Variants in CDC123 observed in about 807,000 individuals in gnomAD.
CDC123 encodes the protein cell division cycle 123.
In CDC123, 37 loss-of-function variants were observed where a neutral mutation model predicts 54.4. The observed-to-expected ratio is 0.68, with a 90% CI of 0.52 to 0.89. The LOEUF is 0.89. Ranked by LOEUF, CDC123 falls within the 40% of genes least tolerant of loss-of-function variation. The pLI, the probability that CDC123 is intolerant of heterozygous loss-of-function variation, is 0.00. For synonymous variants in CDC123, 144 were observed against 136.8 expected (o/e 1.05, Z -0.37); for missense variants, 361 against 412.1 (o/e 0.88, Z 1.07).
intron 10 of CDC123, among the ~76,000 whole-genome samples, chr10:12,240,273 G>A (rs755502725): frequency 2.0e-5 from 3 of 152,120 alleles, no homozygotes; most frequent in Non-Finnish European, 4.4e-5. Context: ...AATGCTGTTT[G>A]GTGCTGAGTG....
chr10:12,238,323 G>C, intron 9 of CDC123, 134 bp from the exon 10 acceptor site: 1 of 930,750 alleles, frequency 1.1e-6, no homozygotes, highest in Non-Finnish European at 1.5e-6. Flanking sequence ...GAAGTTTTGA[G>C]GTTTAGAAGC....
intron 8 of CDC123, among the ~76,000 whole-genome samples, chr10:12,236,216 G>A (rs141689593): frequency 2.6e-5 from 4 of 152,344 alleles, no homozygotes; most frequent in African/African-American, 9.6e-5. Context: ...AGTTGATTAT[G>A]TGTGCAGGTT....
At chr10:12,212,064 G>A (rs1329902478) in intron 4 of CDC123, among the ~76,000 whole-genome samples, 7 of 151,964 alleles carry the variant, frequency 4.6e-5, no homozygotes, top group African/African-American at 1.7e-4. Context: ...CTCCAGCCTG[G>A]GTGACAGAGA....
intron 7 of CDC123, among the ~76,000 whole-genome samples, chr10:12,234,261 A>AT (rs937163588): frequency 6.6e-6 from 1 of 151,994 alleles, no homozygotes; most frequent in African/African-American, 2.4e-5. Context: ...CACCTGGCTA[A>AT]TTTTTTGTGT....
chr10:12,210,032 C>T lies in CDC123; in HGVS notation c.204+8C>T. The T allele has an allele frequency of 6.2e-7, 1 of 1,613,340 alleles. No homozygotes were observed. Among genetic ancestry groups the T allele is most frequent in the Non-Finnish European group, 8.5e-7 (1 of 1,179,360 alleles). On this transcript the variant is annotated splice_region_variant and intron_variant, in intron 3 of 12. Transcript: ENST00000281141. ...GAAGCAGAAGAAATACAGGTTGGTA[C>T]CAAATAAAATAATCTGTTCTGTAGA...
chr10:12,250,418 C>G lies in CDC123; in HGVS notation c.*81C>G. 9.3e-7 allele frequency: 1 copy of G among 1,079,554 alleles called. No individual in the cohort carries two copies. The highest frequency in any genetic ancestry group is 1.4e-6 in the Non-Finnish European group (1 of 692,870). 66.9% of individuals were successfully genotyped at this position (1,079,554 alleles called of 1,614,324 possible). On this transcript the variant is annotated 3_prime_UTR_variant, in exon 13 of 13. Coordinates refer to ENST00000281141, the MANE Select transcript of CDC123 (RefSeq NM_006023.3). ...TCATCAGCCGCAACTTCCTGCCGACCCTGATGCGGGTGGGCCGAGCAGTGT... is the reference window on the plus strand; with the variant it reads ...TCATCAGCCGCAACTTCCTGCCGACGCTGATGCGGGTGGGCCGAGCAGTGT...
intron 6 of CDC123, among the ~76,000 whole-genome samples, chr10:12,218,116 A>G (rs1239768034): frequency 6.6e-6 from 1 of 152,152 alleles, no homozygotes; most frequent in Non-Finnish European, 1.5e-5. Flanking sequence ...AAAAGCACTC[A>G]TGATCTTGCC....
At chr10:12,237,301 T>C (rs746905611) in intron 9 of CDC123, 35 bp downstream of exon 9, 8 of 1,497,472 alleles carry the variant, frequency 5.3e-6, no homozygotes, top group African/African-American at 1.4e-5. Flanking sequence ...TAAAATGAAA[T>C]GAAATATACA....
intron 8 of CDC123, 80 bp downstream of exon 8, chr10:12,235,203 C>T (rs2131758751): frequency 8.2e-7 from 1 of 1,214,940 alleles, no homozygotes; most frequent in Non-Finnish European, 1.2e-6. Flanking sequence ...AAGTAAATTT[C>T]CAGTAATTAG....
intron 2 of CDC123, among the ~76,000 whole-genome samples, chr10:12,206,611 A>C (rs980164852): frequency 6.6e-6 from 1 of 152,234 alleles, no homozygotes; most frequent in African/African-American, 2.4e-5. Flanking sequence ...CAGCAGTTTG[A>C]GACCAGACTG....
intron 6 of CDC123, among the ~76,000 whole-genome samples, chr10:12,218,052 C>T (rs1835685057): frequency 6.6e-6 from 1 of 152,220 alleles, no homozygotes; most frequent in African/African-American, 2.4e-5. Context: ...TTGCGTGCCA[C>T]TGCACTGTAG....
Position 12,246,134 on chromosome 10 carries a change from C to T in CDC123, c.718-15C>T, listed in dbSNP as rs1290181111. 4 of 1,604,002 alleles carry T rather than the reference C, an allele frequency of 2.5e-6. No homozygotes were observed. Among genetic ancestry groups the T allele is most frequent in the South Asian group, 2.2e-5 (2 of 89,658 alleles). Reference sequence around the variant, plus strand: ...GAAGATGTTTGTTTTTGTTTTTTCTCTCTCTGTGCTACAGGGGAAGGTGTG... The same window carrying T: ...GAAGATGTTTGTTTTTGTTTTTTCTTTCTCTGTGCTACAGGGGAAGGTGTG... On this transcript the variant is annotated splice_polypyrimidine_tract_variant and intron_variant, in intron 10 of 12. Transcript: ENST00000281141.
chr10:12,234,465 C>T (rs1486317695), intron 7 of CDC123, among the ~76,000 whole-genome samples: 2 of 152,178 alleles, frequency 1.3e-5, no homozygotes, highest in Non-Finnish European at 1.5e-5. Context: ...GGTGATCGCC[C>T]GCCTCAGTCT....
At chr10:12,224,506 C>T (rs902579699) in intron 6 of CDC123, among the ~76,000 whole-genome samples, 5 of 152,094 alleles carry the variant, frequency 3.3e-5, no homozygotes, top group Non-Finnish European at 4.4e-5. Context: ...TTGCCACTTA[C>T]ATTGTAAATA....
Position 12,196,273 on chromosome 10 carries a change from C to T in CDC123, c.28C>T (p.Gln10Ter). The change falls in exon 1 of 13, where the codon CAG becomes TAG. Residue 10 changes from glutamine (Q) to a stop codon, truncating the protein, a stop_gained. Transcript: ENST00000281141. LOFTEE classifies it high-confidence loss of function. ...GAAGAAGGAGCATGTGCTTCACTGC[C>T]AGTTCTCCGCGTGGTACCCGTTCTT... MKKEHVLHC[Q>*]FSAWYPFFRG... 1.2e-6 allele frequency: 2 copies of T among 1,613,932 alleles called. No homozygotes were observed. The highest frequency in any genetic ancestry group is 1.7e-6 in the Non-Finnish European group (2 of 1,179,868).
At chr10:12,212,529 A>G (rs190338697) in intron 4 of CDC123, among the ~76,000 whole-genome samples, 1 of 152,346 alleles carries the variant, frequency 6.6e-6, no homozygotes, top group Admixed American at 6.5e-5. Context: ...AAAAAGACTG[A>G]CTATCACTGT....
In CDC123 at chr10:12,210,339, C is replaced by A; in HGVS notation, c.237+17C>A. ...ACGCTTACGGTAAGAGCACAGCAGA[C>A]TCAGCGTGGGGACAGCCTCACACTG... On this transcript the variant is annotated intron_variant, in intron 4 of 12. Coordinates refer to ENST00000281141, the MANE Select transcript of CDC123 (RefSeq NM_006023.3). The A allele has an allele frequency of 6.2e-7, 1 of 1,614,042 alleles. No homozygotes were observed. The highest frequency in any genetic ancestry group is 2.2e-5 in the East Asian group (1 of 44,882).
intron 10 of CDC123, among the ~76,000 whole-genome samples, chr10:12,240,686 C>A (rs556794332): frequency 6.6e-6 from 1 of 152,244 alleles, no homozygotes; most frequent in South Asian, 2.1e-4. Context: ...TCAGCCTGGG[C>A]TTAACATAAT....
intron 8 of CDC123, among the ~76,000 whole-genome samples, chr10:12,235,390 T>A (rs76443997): frequency 0.046 from 6,997 of 152,226 alleles, 519 homozygotes; most frequent in African/African-American, 0.16. Context: ...GTTGTCACTG[T>A]TCCTGATTTA....
Sources: gnomAD v4.1 joint callset for allele counts (sites outside exome capture counted in the v4.1 genomes callset) on GRCh38, gnomAD v4.1.1 for gene constraint, MANE v1.5 for transcripts, NCBI Gene and HGNC (gene_info 2026-07-23, HGNC 2026-07-21) for gene names.